Variants in HMGCLL1 observed in about 807,000 individuals in gnomAD.
The protein encoded by HMGCLL1 is 3-hydroxymethyl-3-methylglutaryl-CoA lyase, cytoplasmic.
Under a neutral mutation model 39.1 loss-of-function variants are expected in HMGCLL1, and 36 were observed. The observed-to-expected ratio is 0.92, with a 90% CI of 0.71 to 1.22. The LOEUF (loss-of-function observed/expected upper bound fraction) is 1.22. Among genes scored for constraint, HMGCLL1 ranks in the 50% most tolerant of loss-of-function variants. The pLI is 0.00. For missense variants in HMGCLL1, 451 were observed against 416.5 expected (o/e 1.08, Z -0.72); for synonymous variants, 149 against 144.0 (o/e 1.03, Z -0.25).
At chr6:55,612,691 G>A in the HMGCLL1 span, among the ~76,000 whole-genome samples, 2 of 152,134 alleles carry the variant, frequency 1.3e-5, no homozygotes, top group African/African-American at 4.8e-5. Flanking sequence ...ACAAAAACAA[G>A]CAATGGGGAA....
intron 1 of HMGCLL1, among the ~76,000 whole-genome samples, chr6:55,575,382 G>T (rs983239936): frequency 3.3e-5 from 5 of 151,876 alleles, no homozygotes; most frequent in African/African-American, 9.7e-5. Flanking sequence ...ATATGTATAT[G>T]TGTATATATT....
the HMGCLL1 span, among the ~76,000 whole-genome samples, chr6:55,613,348 A>C: frequency 6.6e-6 from 1 of 152,160 alleles, no homozygotes; most frequent in African/African-American, 2.4e-5. Context: ...TGTTGGTAGG[A>C]ATGTAAATTA....
At chr6:55,445,796 C>G (rs1763802755) in intron 7 of HMGCLL1, among the ~76,000 whole-genome samples, 1 of 151,986 alleles carries the variant, frequency 6.6e-6, no homozygotes, top group Admixed American at 6.6e-5. Flanking sequence ...AAGAAAAGTC[C>G]ATTTTTAGAT....
chr6:55,664,938 G>C, the HMGCLL1 span, among the ~76,000 whole-genome samples: 1 of 151,686 alleles, frequency 6.6e-6, no homozygotes, highest in Non-Finnish European at 1.5e-5. Context: ...GAGAGAGAAA[G>C]AGACAGAAAG....
chr6:55,517,523 T>C (rs993068718), intron 3 of HMGCLL1, among the ~76,000 whole-genome samples: 19 of 151,996 alleles, frequency 1.3e-4, no homozygotes, highest in Admixed American at 1.2e-3. Flanking sequence ...ATCCTCAATA[T>C]AGAAATGCAG....
rs530283802 is a variant in HMGCLL1, at chr6:55,541,718, G to A, written c.297+11C>T. 1.2e-5 allele frequency: 16 copies of A among 1,383,368 alleles called. No individual in the cohort carries two copies. The East Asian group carries it at 1.9e-4, about 16-fold the overall frequency. 85.7% of individuals were successfully genotyped at this position (1,383,368 alleles called of 1,614,324 possible). On this transcript the variant is annotated intron_variant, in intron 3 of 8. Coordinates refer to ENST00000274901, the MANE Select transcript of HMGCLL1 (RefSeq NM_001042406.2). ...ATTAGGATCTAATTAAGAAATTGTGGGTTTACATACCTGTGGTACCCATCT... is the reference window on the plus strand; with the variant it reads ...ATTAGGATCTAATTAAGAAATTGTGAGTTTACATACCTGTGGTACCCATCT...
At chr6:55,594,459 C>T in the HMGCLL1 span, among the ~76,000 whole-genome samples, 1 of 152,196 alleles carries the variant, frequency 6.6e-6, no homozygotes, top group Non-Finnish European at 1.5e-5. Flanking sequence ...TCACATTGTA[C>T]TTCCAGCTTC....
rs567983187 is a variant in HMGCLL1, at chr6:55,443,487, G to A, written c.796-3928C>T. Among the ~76,000 whole-genome samples, 3 of 152,208 alleles carry A rather than the reference G, an allele frequency of 2.0e-5. No homozygotes were observed. In the East Asian group the frequency reaches 5.8e-4, roughly 29 times the overall value. On this transcript the variant is annotated intron_variant, in intron 7 of 8. Coordinates refer to ENST00000274901, the MANE Select transcript of HMGCLL1 (RefSeq NM_001042406.2). ...TACCTTGTCAAAACAACAGTTTTTA[G>A]TCTTAATTGGCCTTTTGGGAAAGAG... is the stretch of plus-strand genomic sequence containing the variant.
chr6:55,467,798 C>T (rs991333552), intron 7 of HMGCLL1, among the ~76,000 whole-genome samples: 13 of 151,896 alleles, frequency 8.6e-5, no homozygotes, highest in African/African-American at 2.4e-4. Flanking sequence ...GTAGAGGCTA[C>T]GATCAACTGT....
chr6:55,672,003 C>G, the HMGCLL1 span, among the ~76,000 whole-genome samples: 1 of 151,416 alleles, frequency 6.6e-6, no homozygotes, highest in Non-Finnish European at 1.5e-5. Flanking sequence ...CCTGATTAGC[C>G]CAGAAGGGTG....
chr6:55,527,706 T>C (rs1768397738), intron 3 of HMGCLL1, among the ~76,000 whole-genome samples: 1 of 152,038 alleles, frequency 6.6e-6, no homozygotes, highest in Non-Finnish European at 1.5e-5. Context: ...GTCTATATCA[T>C]ATATTGAAGT....
intron 8 of HMGCLL1, among the ~76,000 whole-genome samples, chr6:55,437,722 T>C (rs939841122): frequency 3.3e-5 from 5 of 152,054 alleles, no homozygotes; most frequent in Non-Finnish European, 7.4e-5. Flanking sequence ...TTCATACTTA[T>C]ATGTTAGGTG....
At chr6:55,603,130 T>C in the HMGCLL1 span, among the ~76,000 whole-genome samples, 1 of 152,236 alleles carries the variant, frequency 6.6e-6, no homozygotes, top group African/African-American at 2.4e-5. Flanking sequence ...AGATAAATTA[T>C]TCTCGTTTCT....
chr6:55,644,791 A>C, the HMGCLL1 span, among the ~76,000 whole-genome samples: 1 of 151,776 alleles, frequency 6.6e-6, no homozygotes, highest in African/African-American at 2.4e-5. Flanking sequence ...TGCTGTTTTG[A>C]TTACTATAAC....
intron 7 of HMGCLL1, among the ~76,000 whole-genome samples, chr6:55,444,748 G>T (rs925927850): frequency 2.6e-5 from 4 of 151,956 alleles, no homozygotes; most frequent in African/African-American, 7.2e-5. Context: ...AAATATAAAA[G>T]TTTTTGGAAA....
chr6:55,481,682 T>G (rs376958015), intron 7 of HMGCLL1, among the ~76,000 whole-genome samples: 10 of 143,910 alleles, frequency 6.9e-5, no homozygotes, highest in African/African-American at 1.5e-4. Flanking sequence ...ATTTTTTTTT[T>G]GTCATGCAAA....
At chr6:55,618,131 A>G in the HMGCLL1 span, among the ~76,000 whole-genome samples, 2 of 152,082 alleles carry the variant, frequency 1.3e-5, no homozygotes, top group African/African-American at 4.8e-5. Flanking sequence ...AAAACAAGGA[A>G]GTAATTATAA....
At chr6:55,620,123 T>C in the HMGCLL1 span, among the ~76,000 whole-genome samples, 2 of 152,166 alleles carry the variant, frequency 1.3e-5, no homozygotes, top group East Asian at 1.9e-4. Flanking sequence ...ATCTTGAGCA[T>C]TGTGAATAGT....
At chr6:55,617,721 G>C in the HMGCLL1 span, among the ~76,000 whole-genome samples, 502 of 152,100 alleles carry the variant, frequency 3.3e-3, 5 homozygotes, top group Middle Eastern at 0.01. Context: ...TGAATTATCT[G>C]GTAAAGGTGA....
Sources: gnomAD v4.1 joint callset for allele counts (sites outside exome capture counted in the v4.1 genomes callset) on GRCh38, gnomAD v4.1.1 for gene constraint, MANE v1.5 for transcripts, NCBI Gene and HGNC (gene_info 2026-07-23, HGNC 2026-07-21) for gene names.